The following KCNQ5 variants were observed in gnomAD, a reference collection of about 807,000 sequenced individuals.
The protein encoded by KCNQ5 is potassium voltage-gated channel subfamily Q member 5, also known as potassium voltage-gated channel subfamily KQT member 5.
In KCNQ5, 30 loss-of-function variants were observed where a neutral mutation model predicts 98.2. The ratio of observed to expected loss-of-function variants is 0.31; its 90% CI spans 0.23 to 0.41. KCNQ5 has a LOEUF of 0.41. Ranked by LOEUF, KCNQ5 falls within the 10% of genes least tolerant of loss-of-function variation. KCNQ5 has a pLI of 1.00. For missense variants in KCNQ5, 835 were observed against 1,182.5 expected, an observed-to-expected ratio of 0.71 and a Z score of 4.31; for synonymous variants, 458 against 449.4, an observed-to-expected ratio of 1.02 and a Z score of -0.24.
chr6:72,826,986 A>C (rs73543828), intron 1 of KCNQ5, among the ~76,000 whole-genome samples: 40,537 of 151,988 alleles, frequency 0.27, 6,372 homozygotes, highest in African/African-American at 0.43. Context: ...GTTTAACTTT[A>C]TGTTCCTGGC....
intron 1 of KCNQ5, among the ~76,000 whole-genome samples, chr6:72,815,444 G>A (rs959670582): frequency 1.3e-5 from 2 of 152,152 alleles, no homozygotes; most frequent in African/African-American, 4.8e-5. Flanking sequence ...TGGCTTTGTG[G>A]GTGGAGAAGA....
rs146985887 is a variant in KCNQ5, at chr6:72,652,703, A to G, written c.398+30116A>G. 2.2e-4 allele frequency among the ~76,000 whole-genome samples: 34 copies of G among 152,094 alleles called. No individual in the cohort carries two copies. In the East Asian group the frequency reaches 5.8e-3, roughly 26 times the overall value. On this transcript the variant is annotated intron_variant, in intron 1 of 13. Coordinates refer to ENST00000370398, the MANE Select transcript of KCNQ5 (RefSeq NM_019842.4). The stretch of plus-strand genomic sequence containing the variant: ...TGGAGAGGTAGAAGGCATACTTGTG[A>G]ATGTCAAAAGAGCTGTATTCCTGTA...
chr6:72,718,058 A>G (rs555456738), intron 1 of KCNQ5, among the ~76,000 whole-genome samples: 19 of 152,246 alleles, frequency 1.2e-4, no homozygotes, highest in African/African-American at 4.1e-4. Context: ...TGGCCACCCC[A>G]AAGCATACAT....
chr6:73,055,262 T>C, intron 3 of KCNQ5: 4 of 1,324,124 alleles, frequency 3.0e-6, no homozygotes, highest in Non-Finnish European at 4.3e-6. Flanking sequence ...CTTCACCTCA[T>C]TGCAGAAGAG....
At chr6:72,985,483 G>C (rs1340167394) in intron 1 of KCNQ5, among the ~76,000 whole-genome samples, 1 of 152,160 alleles carries the variant, frequency 6.6e-6, no homozygotes, top group Non-Finnish European at 1.5e-5. Context: ...AATCCTACTT[G>C]TTGGTGGTCA....
rs1220635564 is a variant in KCNQ5 at position 73,105,522 on chromosome 6, G to C, written c.1029+155G>C. 2.6e-5 allele frequency among the ~76,000 whole-genome samples: 4 copies of C among 152,060 alleles called. No individual in the cohort carries two copies. In the East Asian group the frequency reaches 7.7e-4, roughly 29 times the overall value. ...TTGACTTTTCTAAATATATCTACTT[G>C]GATAATTTATAAAATATGGTCTTCC... On this transcript the variant is annotated intron_variant, in intron 6 of 13. Transcript: ENST00000370398.
chr6:72,886,491 T>C (rs2150178220), intron 1 of KCNQ5, among the ~76,000 whole-genome samples: 1 of 152,100 alleles, frequency 6.6e-6, no homozygotes, highest in East Asian at 1.9e-4. Context: ...CCAGAAAGAA[T>C]ACAGAATTAT....
At chr6:72,682,402 C>T (rs1298154887) in intron 1 of KCNQ5, among the ~76,000 whole-genome samples, 1 of 152,164 alleles carries the variant, frequency 6.6e-6, no homozygotes, top group African/African-American at 2.4e-5. Flanking sequence ...GCTCTACTAT[C>T]CTCTGATTCT....
At chr6:73,106,409 C>A (rs1775002961) in intron 6 of KCNQ5, among the ~76,000 whole-genome samples, 1 of 152,146 alleles carries the variant, frequency 6.6e-6, no homozygotes, top group South Asian at 2.1e-4. Context: ...CTAGGGCTGC[C>A]TTAACAAGTA....
At chr6:72,633,957 T>G (rs913216743) in intron 1 of KCNQ5, among the ~76,000 whole-genome samples, 20 of 152,212 alleles carry the variant, frequency 1.3e-4, no homozygotes, top group African/African-American at 4.8e-4. Context: ...AGAAATAGTT[T>G]TCTCAACATC....
chr6:72,964,966 A>G (rs1767536390), intron 1 of KCNQ5, among the ~76,000 whole-genome samples: 1 of 151,740 alleles, frequency 6.6e-6, no homozygotes, highest in African/African-American at 2.4e-5. Flanking sequence ...TTTTTGGTTT[A>G]CGTTTTATTT....
intron 1 of KCNQ5, among the ~76,000 whole-genome samples, chr6:72,668,955 T>C (rs2154473252): frequency 6.6e-6 from 1 of 152,158 alleles, no homozygotes; most frequent in South Asian, 2.1e-4. Context: ...AATATACTTA[T>C]TGGGGATATG....
intron 2 of KCNQ5, among the ~76,000 whole-genome samples, chr6:73,005,508 T>C (rs959967960): frequency 1.2e-4 from 19 of 152,218 alleles, no homozygotes; most frequent in African/African-American, 4.3e-4. Context: ...TCCAAAATGT[T>C]AGATTTATAT....
chr6:73,077,556 G>A, intron 4 of KCNQ5, 59 bp downstream of exon 4: 1 of 1,505,818 alleles, frequency 6.6e-7, no homozygotes, highest in African/African-American at 1.4e-5. Flanking sequence ...ATTGATCGCT[G>A]TAATAGTTAA....
intron 1 of KCNQ5, among the ~76,000 whole-genome samples, chr6:72,878,061 G>A (rs879571443): frequency 2.0e-5 from 3 of 152,128 alleles, no homozygotes; most frequent in Non-Finnish European, 4.4e-5. Flanking sequence ...ACTTGAGGTC[G>A]GGAGTTCCAG....
chr6:73,093,191 G>A (rs2350366), intron 5 of KCNQ5, among the ~76,000 whole-genome samples: 111,831 of 152,058 alleles, frequency 0.74, 45,014 homozygotes, highest in Non-Finnish European at 0.89. Context: ...GTTTATGTGC[G>A]TAATGGTGTT....
chr6:72,649,574 T>C (rs1765773266), intron 1 of KCNQ5, among the ~76,000 whole-genome samples: 1 of 152,140 alleles, frequency 6.6e-6, no homozygotes, highest in African/African-American at 2.4e-5. Context: ...ACCATCAATC[T>C]TGGCACACAA....
intron 1 of KCNQ5, among the ~76,000 whole-genome samples, chr6:72,856,350 A>G (rs909452733): frequency 6.6e-6 from 1 of 151,786 alleles, no homozygotes; most frequent in African/African-American, 2.4e-5. Flanking sequence ...TTTTTTTTTC[A>G]TAATTGGAAA....
chr6:72,710,543 C>T (rs1782942348), intron 1 of KCNQ5, among the ~76,000 whole-genome samples: 1 of 152,116 alleles, frequency 6.6e-6, no homozygotes, highest in African/African-American at 2.4e-5. Context: ...GGTAGCTATA[C>T]TTATTTCAGA....
Sources: allele counts gnomAD v4.1 joint callset (sites outside exome capture counted in the v4.1 genomes callset), GRCh38; gene constraint gnomAD v4.1.1; transcripts MANE v1.5; gene names NCBI Gene and HGNC (gene_info 2026-07-23, HGNC 2026-07-21).